Variants in MYH14 observed in about 807,000 individuals in gnomAD.
MYH14 encodes the protein myosin-14.
Under a neutral mutation model 255.5 loss-of-function variants are expected in MYH14, and 123 were observed. The observed-to-expected ratio is 0.48, with a 90% CI of 0.42 to 0.56. The LOEUF is 0.56. Ranked by LOEUF, MYH14 falls within the 20% of genes least tolerant of loss-of-function variation. The pLI, the probability that MYH14 is intolerant of heterozygous loss-of-function variation, is 0.00. For missense variants in MYH14, 2,423 were observed against 2,802.3 expected (o/e 0.86, Z 3.06); for synonymous variants, 1,095 against 1,161.2 (o/e 0.94, Z 1.16).
chr19:50,229,732 T>A lies in MYH14; in HGVS notation c.875-793T>A, dbSNP rs118103385. The stretch of plus-strand genomic sequence containing the variant: ...CGTGACTTTCTTGGGAGGGAGAGCA[T>A]GCAGAGTGACAGTCTAGTTGAAGGT... On this transcript the variant is annotated intron_variant, in intron 8 of 42. Transcript: ENST00000642316. 2.3e-4 allele frequency among the ~76,000 whole-genome samples: 35 copies of A among 152,262 alleles called. No individual in the cohort carries two copies. The East Asian group carries it at 6.8e-3, about 29-fold the overall frequency.
chr19:50,284,170 A>C (rs186725116), intron 33 of MYH14, among the ~76,000 whole-genome samples: 38 of 152,246 alleles, frequency 2.5e-4, no homozygotes, highest in African/African-American at 9.1e-4. Context: ...ATGCTTTGCA[A>C]ATATTTTTGT....
At chr19:50,284,747 A>C (rs1379056495) in intron 33 of MYH14, 1 of 150,808 alleles carries the variant, frequency 6.6e-6, no homozygotes, top group Non-Finnish European at 1.5e-5. Context: ...TAGGTCTGTG[A>C]TTTATTCTGA....
Position 50,259,142 on chromosome 19 carries a change from A to T in MYH14, c.2233-2A>T. On this transcript the variant is annotated splice_acceptor_variant, in intron 18 of 42. Transcript: ENST00000642316. LOFTEE classifies it high-confidence loss of function. ...CCCCGCGTGTCCGTCCGCTCTCCCC[A>T]GGCCGGGAAGCTGGAGCCACGGCTG... The T allele has an allele frequency of 6.4e-7, 1 of 1,553,106 alleles. No homozygotes were observed. The highest frequency in any genetic ancestry group is 8.7e-7 in the Non-Finnish European group (1 of 1,147,498).
chr19:50,248,591 C>T lies in MYH14; in HGVS notation c.1330-396C>T, dbSNP rs190066706. 4.6e-5 allele frequency among the ~76,000 whole-genome samples: 7 copies of T among 152,274 alleles called. No individual in the cohort carries two copies. The East Asian group carries it at 1.4e-3, about 29-fold the overall frequency. On this transcript the variant is annotated intron_variant, in intron 12 of 42. Transcript: ENST00000642316. ...CTCAGCTGGGGTACTGTTGTTAGTT[C>T]CCATTTTACAGAGGAGAAAACTGAG...
intron 39 of MYH14, among the ~76,000 whole-genome samples, chr19:50,295,144 T>C (rs992060383): frequency 3.3e-5 from 5 of 149,992 alleles, no homozygotes; most frequent in African/African-American, 1.2e-4. Context: ...GCTAACACAG[T>C]GAAACCCCGT....
At chr19:50,253,113 CTT>C (rs1185801352) in intron 16 of MYH14, among the ~76,000 whole-genome samples, 1 of 152,088 alleles carries the variant, frequency 6.6e-6, no homozygotes, top group African/African-American at 2.4e-5. Context: ...AAGAAGTAAA[CTT>C]ATTATTTTTA....
Position 50,247,125 on chromosome 19 carries a change from A to T in MYH14, c.1329+3A>T, listed in dbSNP as rs1451353449. 6.2e-7 allele frequency: 1 copy of T among 1,607,558 alleles called. No individual in the cohort carries two copies. Among genetic ancestry groups the T allele is most frequent in the Non-Finnish European group, 8.5e-7 (1 of 1,175,078 alleles). ...AGAAAGCCCAGACTAAGGAACAGGT[A>T]GGCGGGGCTGGCGGTGGGCAGGCAC... On this transcript the variant is annotated splice_donor_region_variant and intron_variant, in intron 12 of 42. Transcript: ENST00000642316.
At chr19:50,291,308 GT>G (rs796418702) in intron 36 of MYH14, among the ~76,000 whole-genome samples, 579 of 143,304 alleles carry the variant, frequency 4.0e-3, no homozygotes, top group Middle Eastern at 0.014. Context: ...TGTTCAGTTG[GT>G]TTTTTTTTTT....
At chr19:50,302,900 T>C (rs2036539912) in intron 40 of MYH14, among the ~76,000 whole-genome samples, 1 of 150,102 alleles carries the variant, frequency 6.7e-6, no homozygotes, top group Non-Finnish European at 1.5e-5. Flanking sequence ...AAACTCCGCC[T>C]CAAAAAGAAA....
At position 50,260,601 on chromosome 19, in the gene MYH14, G is replaced by A. The variant is rs371593110; in HGVS notation, c.2355-45G>A. 77 of 1,449,874 alleles carry A rather than the reference G, an allele frequency of 5.3e-5. 1 individual carries two copies. The highest frequency in any genetic ancestry group is 5.2e-4 in the Middle Eastern group (3 of 5,812). The allele number at this position is 1,449,874 out of a possible 1,614,324, so 89.8% of individuals were successfully genotyped here. A position where few individuals can be genotyped will look rare whatever the true frequency, so the allele number is the denominator to read the frequency against. On this transcript the variant is annotated intron_variant, in intron 19 of 42. Transcript: ENST00000642316. ...GGCCCGCAGCAGGCACTAGGTGAGC[G>A]TTTGCTGTAACTCTCTCCTCCCCAC...
At position 50,276,957 on chromosome 19, in the gene MYH14, G is replaced by T; in HGVS notation, c.3825+56G>T. The T allele has an allele frequency of 7.0e-7, 1 of 1,429,794 alleles. No homozygotes were observed. Among genetic ancestry groups the T allele is most frequent in the East Asian group, 2.4e-5 (1 of 40,904 alleles). The allele number at this position is 1,429,794 out of a possible 1,614,324, so 88.6% of individuals were successfully genotyped here. A position where few individuals can be genotyped will look rare whatever the true frequency, so the allele number is the denominator to read the frequency against. ...GGCCACGGGGAGGGCAGGGCAGGAC[G>T]CGGGGTTGGAGGAGGTACCGCTGGC... On this transcript the variant is annotated intron_variant, in intron 29 of 42. Coordinates refer to ENST00000642316, the MANE Select transcript of MYH14 (RefSeq NM_001145809.2). The surrounding 1 kb of genome is among the most constrained non-coding windows in gnomAD (Gnocchi z 4.3).
At position 50,233,573 on chromosome 19, in the gene MYH14, A is replaced by G. The variant is rs374607503; in HGVS notation, c.1114+1503A>G. 3.9e-5 allele frequency among the ~76,000 whole-genome samples: 6 copies of G among 152,262 alleles called. 1 individual carries two copies. Among genetic ancestry groups the G allele is most frequent in the Admixed American group, 6.5e-5 (1 of 15,282 alleles). On this transcript the variant is annotated intron_variant, in intron 10 of 42. Coordinates refer to ENST00000642316, the MANE Select transcript of MYH14 (RefSeq NM_001145809.2). ...ACAAAGTACCACAAACCTAGTGCCT[A>G]AAACAACAGAAATTGATTGTCTTGT...
chr19:50,263,771 A>C (rs1194124607), intron 22 of MYH14, among the ~76,000 whole-genome samples: 2 of 152,102 alleles, frequency 1.3e-5, no homozygotes, highest in Non-Finnish European at 2.9e-5. Flanking sequence ...GAAAACAGCA[A>C]AGGTGCTGGG....
Position 50,281,703 on chromosome 19 carries a change from C to A in MYH14, c.4400C>A (p.Ala1467Glu). ...REAEALTQRLAEKTETVDRLE... is the reference protein window; with the variant it reads ...REAEALTQRLEEKTETVDRLE... ...GCCGAGGCCCTGACCCAGCGCCTGG[C>A]AGAAAAGACAGAGACCGTGGATCGG... Residue 1467 changes from alanine (A) to glutamate (E), a missense_variant, in exon 33 of 43, where the codon GCA (alanine) becomes GAA (glutamate). Around this residue, in one of 3 missense-constraint regions of MYH14, gnomAD observed 1,513 missense variants for 1,674.8 expected, o/e 0.90. Transcript: ENST00000642316. 6.2e-7 allele frequency: 1 copy of A among 1,612,270 alleles called. No individual in the cohort carries two copies. Among genetic ancestry groups the A allele is most frequent in the African/African-American group, 1.3e-5 (1 of 75,058 alleles).
At position 50,297,167 on chromosome 19, in the gene MYH14, A is replaced by T. The variant is rs571001714; in HGVS notation, c.5469+3480A>T. 4.4e-4 allele frequency among the ~76,000 whole-genome samples: 67 copies of T among 152,086 alleles called. 1 individual carries two copies. Among genetic ancestry groups the T allele is most frequent in the African/African-American group, 1.6e-3 (66 of 41,504 alleles). On this transcript the variant is annotated intron_variant, in intron 39 of 42. Transcript: ENST00000642316. ...TGCCTGGCTAATATTTGTATTTTTA[A>T]TAGGGAGGGGGTTTCACCATGTTGG...
At chr19:50,259,356 C>G (rs1357709190) in intron 19 of MYH14, 91 bp downstream of exon 19, 1 of 1,483,794 alleles carries the variant, frequency 6.7e-7, no homozygotes, top group Non-Finnish European at 9.1e-7. Context: ...TCTCCACCCA[C>G]TCTTGTTCCT....
intron 27 of MYH14, 57 bp downstream of exon 27, chr19:50,272,788 G>A (rs903680913): frequency 4.7e-5 from 71 of 1,517,610 alleles, no homozygotes; most frequent in East Asian, 7.4e-5. Context: ...GCCAGCCAGC[G>A]TGGGGTGCCC....
chr19:50,281,941 A>G (rs988609468), intron 33 of MYH14, 99 bp downstream of exon 33: 2 of 1,333,246 alleles, frequency 1.5e-6, no homozygotes, highest in Non-Finnish European at 2.1e-6. Flanking sequence ...TCACGGCTCA[A>G]CTAGGCAGTT....
intron 39 of MYH14, among the ~76,000 whole-genome samples, chr19:50,295,879 G>T (rs950149919): frequency 1.3e-5 from 2 of 151,958 alleles, no homozygotes; most frequent in Non-Finnish European, 2.9e-5. Flanking sequence ...TTGGGAGGCT[G>T]AGGCGGGTAG....
Sources: allele counts gnomAD v4.1 joint callset (sites outside exome capture counted in the v4.1 genomes callset), GRCh38; gene constraint gnomAD v4.1.1; regional missense constraint gnomAD v4.1.1; non-coding constraint Gnocchi (gnomAD v3.1); transcripts MANE v1.5; gene names NCBI Gene and HGNC (gene_info 2026-07-23, HGNC 2026-07-21).